Variants in LRRC53 observed in about 807,000 individuals in gnomAD.
LRRC53 encodes leucine rich repeat containing 53.
LRRC53 carries 25 observed loss-of-function variants against 13.6 expected under a neutral mutation model. The ratio of observed to expected loss-of-function variants is 1.83; its 90% CI spans 1.34 to 2.56. The LOEUF (loss-of-function observed/expected upper bound fraction) is 2.56. Ranked by LOEUF, LRRC53 falls within the 30% of genes most tolerant of loss-of-function variation. The probability of loss-of-function intolerance (pLI) is 0.00; values close to 1 mark genes in which losing one functional copy is unlikely to be tolerated. For missense variants in LRRC53, 527 were observed against 275.8 expected (o/e 1.91, Z -6.45); for synonymous variants, 204 against 109.8 (o/e 1.86, Z -5.37).
chr1:74,531,160 G>T, the LRRC53 span, among the ~76,000 whole-genome samples: 2 of 152,140 alleles, frequency 1.3e-5, no homozygotes, highest in South Asian at 4.1e-4. Flanking sequence ...TGATATTCCT[G>T]AAAGAGATAT....
At chr1:74,531,489 A>G in the LRRC53 span, among the ~76,000 whole-genome samples, 1 of 152,204 alleles carries the variant, frequency 6.6e-6, no homozygotes, top group African/African-American at 2.4e-5. Flanking sequence ...GGTGGGCTGC[A>G]TGGGAAGACA....
At position 74,470,185 on chromosome 1, in the gene LRRC53, G is replaced by A; in HGVS notation, c.3437C>T (p.Ser1146Phe). The change falls in exon 5 of 5, where the codon TCC becomes TTC. Residue 1146 changes from serine to phenylalanine, a missense_variant. Coordinates refer to ENST00000294635, the MANE Select transcript of LRRC53 (RefSeq NM_001382280.1). ...AAGTATTCTATTTTGGGTTTCATGG[G>A]AACTTGTGATACTTAAATCTTTAGC... is the stretch of plus-strand genomic sequence containing the variant. ...ITAKDLSITS[S>F]HETQNRILCS... 2.5e-6 allele frequency: 1 copy of A among 400,654 alleles called. No homozygotes were observed. The highest frequency in any genetic ancestry group is 4.4e-6 in the Non-Finnish European group (1 of 226,156). The allele number at this position is 400,654 out of a possible 1,614,324, so 24.8% of individuals were successfully genotyped here.
chr1:74,532,454 AT>A, the LRRC53 span, among the ~76,000 whole-genome samples: 4,160 of 109,736 alleles, frequency 0.038, 85 homozygotes, highest in Middle Eastern at 0.097. Context: ...TGCTATTATT[AT>A]TTTTTTCTTT....
intron 1 of LRRC53, among the ~76,000 whole-genome samples, chr1:74,494,506 G>A (rs996445317): frequency 6.6e-6 from 1 of 152,088 alleles, no homozygotes; most frequent in Non-Finnish European, 1.5e-5. Context: ...AGGACCCATA[G>A]GCCAAGACTA....
At chr1:74,506,779 C>T (rs1027502492) in intron 1 of LRRC53, among the ~76,000 whole-genome samples, 2 of 152,168 alleles carry the variant, frequency 1.3e-5, no homozygotes, top group Non-Finnish European at 2.9e-5. Context: ...TCACCTTGCT[C>T]TTATCTCTTT....
chr1:74,489,234 C>G, intron 1 of LRRC53: 1 of 1,611,822 alleles, frequency 6.2e-7, no homozygotes, highest in Non-Finnish European at 8.5e-7. Flanking sequence ...AGAAGAGTGT[C>G]TCTGCAACAT....
chr1:74,477,649 AATGG>A (rs1668270672), intron 3 of LRRC53, among the ~76,000 whole-genome samples: 1 of 152,184 alleles, frequency 6.6e-6, no homozygotes, highest in African/African-American at 2.4e-5. Context: ...ATTGTGTCTG[AATGG>A]CAGGGACCCA....
At chr1:74,534,498 C>A in the LRRC53 span, among the ~76,000 whole-genome samples, 1 of 152,110 alleles carries the variant, frequency 6.6e-6, no homozygotes, top group Admixed American at 6.6e-5. Flanking sequence ...TTGGAAGCCA[C>A]AACACTGTCT....
chr1:74,531,598 T>C, the LRRC53 span, among the ~76,000 whole-genome samples: 1 of 152,352 alleles, frequency 6.6e-6, no homozygotes, highest in East Asian at 1.9e-4. Context: ...ATGACTCTAG[T>C]AGCCTTTTCT....
At chr1:74,483,206 C>A in intron 2 of LRRC53, 56 bp downstream of exon 2, 2 of 710,020 alleles carry the variant, frequency 2.8e-6, no homozygotes, top group South Asian at 3.0e-5. Flanking sequence ...AAAGGTATGG[C>A]AACCAATTTT....
rs1314566869 is a variant in LRRC53, at chr1:74,470,638, TC to T, written c.2983del (p.Glu995LysfsTer27). On this transcript the variant is annotated frameshift_variant, in exon 5 of 5. Transcript: ENST00000294635. LOFTEE classifies it low-confidence loss of function (END_TRUNC). ...AGTTTCTGTTTTTGAAAGTTTTTTT[TC>T]TACATCATTTTCTTCCTTATCCATA... ...CIMDKEENDV[E>X]KKLSKTETYD... The T allele has an allele frequency of 5.0e-6, 2 of 400,594 alleles. No homozygotes were observed. Among genetic ancestry groups the T allele is most frequent in the Non-Finnish European group, 8.8e-6 (2 of 226,198 alleles). The allele number at this position is 400,594 out of a possible 1,614,324, so 24.8% of individuals were successfully genotyped here. A position where few individuals can be genotyped will look rare whatever the true frequency, so the allele number is the denominator to read the frequency against.
the LRRC53 span, among the ~76,000 whole-genome samples, chr1:74,523,183 C>T: frequency 2.0e-5 from 3 of 152,098 alleles, no homozygotes; most frequent in Admixed American, 6.6e-5. Context: ...ATAATAATAC[C>T]GATACCACAC....
At chr1:74,499,320 T>A (rs1477524122) in intron 1 of LRRC53, among the ~76,000 whole-genome samples, 1 of 152,198 alleles carries the variant, frequency 6.6e-6, no homozygotes, top group Admixed American at 6.5e-5. Context: ...TTTTAATTTT[T>A]ATTTTTGTAG....
chr1:74,536,401 A>G, the LRRC53 span, among the ~76,000 whole-genome samples: 2 of 152,192 alleles, frequency 1.3e-5, no homozygotes, highest in South Asian at 2.1e-4. Context: ...TCACTAGGAC[A>G]TCTATACCCC....
intron 3 of LRRC53, among the ~76,000 whole-genome samples, chr1:74,478,733 C>T (rs979492884): frequency 6.6e-6 from 1 of 152,206 alleles, no homozygotes; most frequent in South Asian, 2.1e-4. Context: ...GTGAACCCCA[C>T]CATCTATTGC....
chr1:74,485,131 C>G (rs1316243869), intron 1 of LRRC53, among the ~76,000 whole-genome samples: 1 of 152,084 alleles, frequency 6.6e-6, no homozygotes, highest in African/African-American at 2.4e-5. Context: ...ATGTAAATAC[C>G]TATCTATAAC....
intron 2 of LRRC53, among the ~76,000 whole-genome samples, chr1:74,481,442 A>G (rs906674392): frequency 6.6e-6 from 1 of 152,112 alleles, no homozygotes; most frequent in African/African-American, 2.4e-5. Context: ...TTTCTCCCAA[A>G]AGTAAAGGTG....
At chr1:74,475,120 A>ACACG (rs1668128175) in intron 4 of LRRC53, among the ~76,000 whole-genome samples, 175 bp downstream of exon 4, 2 of 141,114 alleles carry the variant, frequency 1.4e-5, no homozygotes, top group South Asian at 4.5e-4. Flanking sequence ...CTCAGCCCAC[A>ACACG]CACACACACA....
chr1:74,509,747 CTTTTTTTTTTTTTTTTT>C lies in LRRC53; in HGVS notation c.-27+2762_-27+2778del, dbSNP rs68193106. Among the ~76,000 whole-genome samples the C allele has an allele frequency of 8.4e-5, 4 of 47,784 alleles. No homozygotes were observed. The South Asian group carries it at 4.3e-3, about 52-fold the overall frequency. The allele number at this position is 47,784 out of a possible 152,430, so 31.3% of individuals were successfully genotyped here. On this transcript the variant is annotated intron_variant, in intron 1 of 4. Transcript: ENST00000294635. The stretch of plus-strand genomic sequence containing the variant: ...TTCTGGTTTTGAGTGATCTGAATTT[CTTTTTTTTTTTTTTTTT>C]TTTTTTTTTTTTTGAGACAGGGTCT...
Sources: gnomAD v4.1 joint callset for allele counts (sites outside exome capture counted in the v4.1 genomes callset) on GRCh38, gnomAD v4.1.1 for gene constraint, MANE v1.5 for transcripts, NCBI Gene and HGNC (gene_info 2026-07-23, HGNC 2026-07-21) for gene names.